Variants in DDHD2 observed in about 807,000 individuals in gnomAD.
DDHD2 encodes the protein DDHD domain containing 2, also known as triacylglycerol hydrolase DDHD2.
DDHD2 carries 62 observed loss-of-function variants against 91.2 expected under a neutral mutation model. The ratio of observed to expected loss-of-function variants is 0.68; its 90% CI spans 0.55 to 0.84. The LOEUF (loss-of-function observed/expected upper bound fraction) is 0.84. Ranked by LOEUF, DDHD2 falls within the 40% of genes least tolerant of loss-of-function variation. The probability of loss-of-function intolerance (pLI) is 0.00; values close to 1 mark genes in which losing one functional copy is unlikely to be tolerated. For synonymous variants in DDHD2, 271 were observed against 293.9 expected (o/e 0.92, Z 0.80); for missense variants, 740 against 846.9 (o/e 0.87, Z 1.57).
At chr8:38,268,307 A>T in intron 1 of DDHD2, 1 of 1,412,902 alleles carries the variant, frequency 7.1e-7, no homozygotes, top group South Asian at 1.2e-5. Context: ...ACCGTGGCTG[A>T]ATCCCACAAC....
chr8:38,233,365 T>A (rs1489728883), intron 2 of DDHD2, 151 bp downstream of exon 2: 7 of 601,228 alleles, frequency 1.2e-5, no homozygotes, highest in Non-Finnish European at 2.0e-5. Context: ...ACTTCTGCAC[T>A]AATACCTAGC....
chr8:38,245,597 A>G, intron 7 of DDHD2, 145 bp from the exon 8 acceptor site: 1 of 732,852 alleles, frequency 1.4e-6, no homozygotes, highest in South Asian at 1.8e-5. Flanking sequence ...TGGCTTCATT[A>G]CACATGTTCC....
At chr8:38,235,455 C>T in intron 3 of DDHD2, among the ~76,000 whole-genome samples, 1 of 152,036 alleles carries the variant, frequency 6.6e-6, no homozygotes, top group East Asian at 1.9e-4. Context: ...GGCCTGGTGG[C>T]TCACGCCTGT....
At chr8:38,248,343 G>A (rs970667807) in intron 10 of DDHD2, among the ~76,000 whole-genome samples, 1 of 150,778 alleles carries the variant, frequency 6.6e-6, no homozygotes, top group African/African-American at 2.4e-5. Flanking sequence ...TTACATGTGT[G>A]AGCCACCGTG....
Position 38,231,754 on chromosome 8 carries a change from C to T in DDHD2, c.-114C>T, listed in dbSNP as rs1207551835. 5 of 152,132 alleles carry T rather than the reference C, an allele frequency of 3.3e-5. No individual in the cohort carries two copies. Among genetic ancestry groups the T allele is most frequent in the African/African-American group, 1.2e-4 (5 of 41,424 alleles). 9.4% of individuals were successfully genotyped at this position (152,132 alleles called of 1,614,324 possible). ...AGCCCGGCGGGGCTGCAGGTTCCGC[C>T]CTGCTCCGCCGCGCCCCGCCCGGGC... On this transcript the variant is annotated 5_prime_UTR_variant, in exon 1 of 18. Coordinates refer to ENST00000397166, the MANE Select transcript of DDHD2 (RefSeq NM_015214.3).
downstream of DDHD2, chr8:38,266,285 A>G (rs1807572260): frequency 6.2e-7 from 1 of 1,613,560 alleles, no homozygotes; most frequent in Non-Finnish European, 8.5e-7. Flanking sequence ...AGGTAGAAGG[A>G]CGCAAAGGCC....
chr8:38,252,845 T>G, intron 14 of DDHD2, 21 bp downstream of exon 14: 1 of 1,611,048 alleles, frequency 6.2e-7, no homozygotes, highest in Non-Finnish European at 8.5e-7. Flanking sequence ...GCATAGAACT[T>G]GATAATTCTA....
At chr8:38,268,942 C>G in intron 1 of DDHD2, 1 of 1,561,468 alleles carries the variant, frequency 6.4e-7, no homozygotes, top group African/African-American at 1.4e-5. Context: ...AGAGCCACAT[C>G]TCCTCCGGCT....
chr8:38,253,109 A>C lies in DDHD2; in HGVS notation c.1873A>C (p.Thr625Pro), dbSNP rs369779587. 1.6e-4 allele frequency: 252 copies of C among 1,613,738 alleles called. No individual in the cohort carries two copies. Among genetic ancestry groups the C allele is most frequent in the Non-Finnish European group, 2.1e-4 (248 of 1,179,858 alleles). Reference sequence around the variant, plus strand: ...AGAAACTGAAGCAGAACCTGAATCAACTTCAGAGAAGCCTAGTGGTCAGTG... The same window carrying C: ...AGAAACTGAAGCAGAACCTGAATCACCTTCAGAGAAGCCTAGTGGTCAGTG... ...PEETEAEPES[T>P]SEKPSDVNTE... The change falls in exon 15 of 18, where the codon ACT (threonine) becomes CCT (proline). Residue 625 changes from threonine to proline, a missense_variant. This residue lies in a region of DDHD2 where 693 missense variants were observed against 764.2 expected (regional missense o/e 0.91). Transcript: ENST00000397166.
At chr8:38,258,189 G>T (rs1008387019) in intron 16 of DDHD2, among the ~76,000 whole-genome samples, 1 of 151,448 alleles carries the variant, frequency 6.6e-6, no homozygotes, top group Non-Finnish European at 1.5e-5. Context: ...TCAGATTCAG[G>T]TCCTTTTTTC....
chr8:38,249,788 C>T lies in DDHD2; in HGVS notation c.1329C>T (p.Thr443=). The T allele has an allele frequency of 6.2e-7, 1 of 1,607,792 alleles. No individual in the cohort carries two copies. The highest frequency in any genetic ancestry group is 8.5e-7 in the Non-Finnish European group (1 of 1,175,062). The part of the protein sequence containing the change: ...PRKKILNYFS[T]RKNSMGIKRP... The stretch of plus-strand genomic sequence containing the variant: ...AGAAGATATTAAACTATTTCAGCAC[C>T]AGAAAAAACTCAATGGTATGTGCCT... The change falls in exon 11 of 18, where the codon ACC becomes ACT. Residue 443 remains threonine, a synonymous_variant. Transcript: ENST00000397166.
chr8:38,245,619 T>C (rs1805572155), intron 7 of DDHD2, 123 bp from the exon 8 acceptor site: 2 of 877,852 alleles, frequency 2.3e-6, no homozygotes, highest in East Asian at 2.4e-5. Flanking sequence ...TTGTCCTCTT[T>C]TTGTTTTTTC....
chr8:38,270,182 A>C (rs1033101076), intron 1 of DDHD2: 4 of 152,240 alleles, frequency 2.6e-5, no homozygotes, highest in African/African-American at 9.6e-5. Context: ...CTCAAAAGAG[A>C]TTGACTTTAG....
chr8:38,247,501 T>C, intron 9 of DDHD2: 1 of 311,182 alleles, frequency 3.2e-6, no homozygotes, highest in Non-Finnish European at 5.8e-6. Flanking sequence ...TGTTTGTTAA[T>C]GATGATGAAT....
intron 1 of DDHD2, chr8:38,268,306 G>T: frequency 7.1e-7 from 1 of 1,409,996 alleles, no homozygotes; most frequent in South Asian, 1.2e-5. Context: ...CACCGTGGCT[G>T]AATCCCACAA....
intron 16 of DDHD2, among the ~76,000 whole-genome samples, chr8:38,254,512 G>A (rs1806357573): frequency 6.6e-6 from 1 of 151,770 alleles, no homozygotes; most frequent in Admixed American, 6.6e-5. Flanking sequence ...TCCCTAATAA[G>A]TAGGATGACC....
Position 38,260,638 on chromosome 8 carries a change from T to C in DDHD2, c.*65T>C, listed in dbSNP as rs1465719659. 6.5e-6 allele frequency: 1 copy of C among 153,290 alleles called. No individual in the cohort carries two copies. The highest frequency in any genetic ancestry group is 1.5e-5 in the Non-Finnish European group (1 of 68,562). The allele number at this position is 153,290 out of a possible 1,614,324, so 9.5% of individuals were successfully genotyped here. On this transcript the variant is annotated 3_prime_UTR_variant, in exon 18 of 18. Coordinates refer to ENST00000397166, the MANE Select transcript of DDHD2 (RefSeq NM_015214.3). ...GATCCTTCCCCAGAAAATCCACCTG[T>C]TTGTTGCTGCAATTTTCCTCTCCTC...
At chr8:38,266,279 A>G, downstream of DDHD2, 1 of 1,613,636 alleles carries the variant, frequency 6.2e-7, no homozygotes, top group Non-Finnish European at 8.5e-7. Context: ...CCTGCCAGGT[A>G]GAAGGACGCA....
rs541352380 is a variant in DDHD2 at position 38,260,632 on chromosome 8, C to T, written c.*59C>T. On this transcript the variant is annotated 3_prime_UTR_variant, in exon 18 of 18. Transcript: ENST00000397166. The stretch of plus-strand genomic sequence containing the variant: ...TTGAGGGATCCTTCCCCAGAAAATC[C>T]ACCTGTTTGTTGCTGCAATTTTCCT... The T allele has an allele frequency of 6.5e-6, 1 of 153,226 alleles. No homozygotes were observed. The highest frequency in any genetic ancestry group is 1.5e-5 in the Non-Finnish European group (1 of 68,530). The allele number at this position is 153,226 out of a possible 1,614,324, so 9.5% of individuals were successfully genotyped here. A position where few individuals can be genotyped will look rare whatever the true frequency, so the allele number is the denominator to read the frequency against.
Sources: allele counts gnomAD v4.1 joint callset (sites outside exome capture counted in the v4.1 genomes callset), GRCh38; gene constraint gnomAD v4.1.1; regional missense constraint gnomAD v4.1.1; transcripts MANE v1.5; gene names NCBI Gene and HGNC (gene_info 2026-07-23, HGNC 2026-07-21).